Variants in PPA2 observed in about 807,000 individuals in gnomAD.
The protein encoded by PPA2 is inorganic pyrophosphatase 2, mitochondrial.
PPA2 carries 48 observed loss-of-function variants against 49.5 expected under a neutral mutation model. The observed-to-expected ratio is 0.97, with a 90% CI of 0.77 to 1.23. The LOEUF (loss-of-function observed/expected upper bound fraction) is 1.23. PPA2 is among the 50% of genes most tolerant of loss of function. The pLI is 0.00. For missense variants in PPA2, 429 were observed against 410.1 expected, an observed-to-expected ratio of 1.05 and a Z score of -0.40; for synonymous variants, 131 against 139.9, an observed-to-expected ratio of 0.94 and a Z score of 0.45.
At chr4:105,385,432 A>G (rs981248235) in intron 10 of PPA2, among the ~76,000 whole-genome samples, 2 of 152,042 alleles carry the variant, frequency 1.3e-5, no homozygotes, top group African/African-American at 4.8e-5. Flanking sequence ...AAACAAACAA[A>G]CAACAACAAA....
At chr4:105,401,139 A>G (rs17035557) in intron 7 of PPA2, among the ~76,000 whole-genome samples, 32,385 of 152,042 alleles carry the variant, frequency 0.21, 4,441 homozygotes, top group African/African-American at 0.39. Flanking sequence ...ACTTATTTGT[A>G]GTTTATGAAA....
chr4:105,461,755 A>G (rs1394967230), intron 1 of PPA2, among the ~76,000 whole-genome samples: 1 of 152,224 alleles, frequency 6.6e-6, no homozygotes, highest in Non-Finnish European at 1.5e-5. Context: ...GCATTAAGCA[A>G]TATGTATTTA....
intron 4 of PPA2, among the ~76,000 whole-genome samples, chr4:105,448,619 T>C (rs994979409): frequency 6.0e-5 from 9 of 150,120 alleles, no homozygotes. Context: ...AGATGCTCTG[T>C]GATAGTCATA....
At chr4:105,471,222 A>C (rs1470736014) in intron 1 of PPA2, among the ~76,000 whole-genome samples, 1 of 152,194 alleles carries the variant, frequency 6.6e-6, no homozygotes, top group Non-Finnish European at 1.5e-5. Flanking sequence ...ATGGTTTTAA[A>C]AAATGAGATG....
chr4:105,473,699 GCCT>G (rs1447929641), intron 1 of PPA2, 192 bp downstream of exon 1: 1 of 892,980 alleles, frequency 1.1e-6, no homozygotes, highest in Non-Finnish European at 1.8e-6. Context: ...TTGATCCGCC[GCCT>G]CCTCGCTGGC....
intron 7 of PPA2, among the ~76,000 whole-genome samples, chr4:105,408,046 C>T (rs926373480): frequency 2.0e-5 from 3 of 152,004 alleles, no homozygotes; most frequent in Non-Finnish European, 4.4e-5. Flanking sequence ...AGTCCCAGCC[C>T]TGAAAGAGTT....
At chr4:105,419,136 GT>G (rs761370170) in intron 7 of PPA2, among the ~76,000 whole-genome samples, 4 of 141,236 alleles carry the variant, frequency 2.8e-5, no homozygotes, top group Non-Finnish European at 3.0e-5. Context: ...TTAGTGCTCT[GT>G]TTTTTTGTTT....
At chr4:105,405,816 T>C (rs779673873) in intron 7 of PPA2, 7 of 471,258 alleles carry the variant, frequency 1.5e-5, no homozygotes, top group South Asian at 1.1e-4. Context: ...CAAAACAACA[T>C]GTAGGGCTGC....
At chr4:105,436,779 T>A (rs1218394140) in intron 6 of PPA2, among the ~76,000 whole-genome samples, 1 of 152,146 alleles carries the variant, frequency 6.6e-6, no homozygotes, top group African/African-American at 2.4e-5. Flanking sequence ...GGCTGAAGAA[T>A]GAAACTGGAC....
chr4:105,452,965 G>T (rs1041794515), intron 3 of PPA2, among the ~76,000 whole-genome samples: 2 of 152,006 alleles, frequency 1.3e-5, no homozygotes, highest in African/African-American at 4.8e-5. Context: ...TGGTATAAGT[G>T]TTTTTCTTCT....
chr4:105,416,098 A>G (rs1175848776), intron 7 of PPA2, among the ~76,000 whole-genome samples: 1 of 152,208 alleles, frequency 6.6e-6, no homozygotes, highest in Non-Finnish European at 1.5e-5. Flanking sequence ...TTTGAAGGAA[A>G]TCTATCAGAA....
chr4:105,419,205 G>A (rs1207055993), intron 7 of PPA2, among the ~76,000 whole-genome samples: 1 of 152,136 alleles, frequency 6.6e-6, no homozygotes, highest in Non-Finnish European at 1.5e-5. Flanking sequence ...TATGCACAAT[G>A]TGCAGGTTGG....
At chr4:105,394,373 CAA>C (rs34736301) in intron 9 of PPA2, among the ~76,000 whole-genome samples, 6 of 96,886 alleles carry the variant, frequency 6.2e-5, no homozygotes, top group African/African-American at 8.2e-5. Context: ...GATTCCATTT[CAA>C]AAAAAAAAAA....
chr4:105,448,363 A>C (rs1722504408), intron 4 of PPA2, among the ~76,000 whole-genome samples: 1 of 152,160 alleles, frequency 6.6e-6, no homozygotes, highest in Non-Finnish European at 1.5e-5. Context: ...ACACCTACAT[A>C]ATAATGCCTA....
intron 9 of PPA2, 91 bp from the exon 10 acceptor site, chr4:105,386,727 T>A (rs1733702173): frequency 3.2e-6 from 3 of 944,676 alleles, no homozygotes; most frequent in Non-Finnish European, 4.9e-6. Flanking sequence ...ATACTCCACA[T>A]CTGTTGTATA....
At chr4:105,382,585 C>A (rs541222689) in intron 10 of PPA2, among the ~76,000 whole-genome samples, 2 of 152,244 alleles carry the variant, frequency 1.3e-5, no homozygotes, top group East Asian at 1.9e-4. Flanking sequence ...ATTCTCTAAG[C>A]CTTGCTCCCT....
At chr4:105,465,468 C>G (rs896449426) in intron 1 of PPA2, among the ~76,000 whole-genome samples, 92 of 152,114 alleles carry the variant, frequency 6.0e-4, no homozygotes, top group Non-Finnish European at 2.4e-4. Flanking sequence ...TCTTTGCTCT[C>G]CAGTGTAGAT....
chr4:105,454,661 C>A (rs1012148676), intron 2 of PPA2, among the ~76,000 whole-genome samples: 6 of 152,086 alleles, frequency 3.9e-5, no homozygotes, highest in African/African-American at 1.4e-4. Context: ...TATACCACAT[C>A]CCAAAGTACA....
chr4:105,406,875 T>C (rs933018162), intron 7 of PPA2: 1 of 151,916 alleles, frequency 6.6e-6, no homozygotes, highest in African/African-American at 2.4e-5. Flanking sequence ...TTAGAAGCAA[T>C]GGGGGCTGAT....
Sources: gnomAD v4.1 joint callset for allele counts (sites outside exome capture counted in the v4.1 genomes callset) on GRCh38, gnomAD v4.1.1 for gene constraint, MANE v1.5 for transcripts, NCBI Gene and HGNC (gene_info 2026-07-23, HGNC 2026-07-21) for gene names.